The following IQCJ variants were observed in gnomAD, a reference collection of about 807,000 sequenced individuals.
IQCJ encodes the protein IQ motif containing J.
In IQCJ, 9 loss-of-function variants were observed where a neutral mutation model predicts 11.0. The ratio of observed to expected loss-of-function variants is 0.82; its 90% confidence interval spans 0.49 to 1.43. The LOEUF is 1.43. Among genes scored for constraint, IQCJ ranks in the 40% most tolerant of loss-of-function variants. IQCJ has a pLI of 0.00. For synonymous variants in IQCJ, 55 were observed against 51.3 expected (o/e 1.07, Z -0.31); for missense variants, 146 against 133.2 (o/e 1.10, Z -0.47).
intron 1 of IQCJ, among the ~76,000 whole-genome samples, chr3:159,082,245 T>C (rs34192137): frequency 0.055 from 8,434 of 152,124 alleles, 376 homozygotes; most frequent in Middle Eastern, 0.085. Context: ...ATATGAAAAT[T>C]ATAACATCAA....
chr3:159,073,531 C>A (rs2108044860), intron 1 of IQCJ, among the ~76,000 whole-genome samples: 1 of 152,164 alleles, frequency 6.6e-6, no homozygotes, highest in African/African-American at 2.4e-5. Context: ...CTCACCCAGT[C>A]CCCAGAACCT....
At chr3:159,225,579 C>G (rs574610999) in intron 1 of IQCJ, among the ~76,000 whole-genome samples, 1 of 152,150 alleles carries the variant, frequency 6.6e-6, no homozygotes, top group South Asian at 2.1e-4. Flanking sequence ...GTATCAATGT[C>G]AATTTCATGG....
chr3:159,078,013 A>G (rs1716051166), intron 1 of IQCJ, among the ~76,000 whole-genome samples: 1 of 148,862 alleles, frequency 6.7e-6, no homozygotes, highest in African/African-American at 2.4e-5. Context: ...GCTCCCAGGG[A>G]GCACAGACCA....
At chr3:159,265,055 T>G (rs1021111762), downstream of IQCJ, among the ~76,000 whole-genome samples, 1 of 147,974 alleles carries the variant, frequency 6.8e-6, no homozygotes, top group South Asian at 2.2e-4. Context: ...TGACATTAAA[T>G]GTAAAAAATA....
At chr3:159,201,980 C>T (rs1724375456) in intron 1 of IQCJ, among the ~76,000 whole-genome samples, 2 of 152,274 alleles carry the variant, frequency 1.3e-5, no homozygotes, top group Admixed American at 6.5e-5. Context: ...ATATACTACA[C>T]TGGAAGACAG....
chr3:159,245,944 T>G, intron 2 of IQCJ, 37 bp downstream of exon 2: 1 of 1,442,488 alleles, frequency 6.9e-7, no homozygotes, highest in Non-Finnish European at 9.4e-7. Context: ...ATCTGCAAGG[T>G]TGGAAAGCTT....
At chr3:159,112,399 A>G (rs1221385797) in intron 1 of IQCJ, among the ~76,000 whole-genome samples, 1 of 152,184 alleles carries the variant, frequency 6.6e-6, no homozygotes, top group Non-Finnish European at 1.5e-5. Context: ...TTTTCTTGAA[A>G]CACAAACTCA....
intron 1 of IQCJ, among the ~76,000 whole-genome samples, chr3:159,160,480 T>TTTG (rs1380125627): frequency 6.6e-6 from 1 of 151,948 alleles, no homozygotes; most frequent in African/African-American, 2.4e-5. Flanking sequence ...TTTTTGTATT[T>TTTG]TTGTTGTTGT....
chr3:159,088,492 T>C (rs2108074293), intron 1 of IQCJ, among the ~76,000 whole-genome samples: 1 of 152,316 alleles, frequency 6.6e-6, no homozygotes, highest in Admixed American at 6.5e-5. Flanking sequence ...TTCTGTCTCA[T>C]TGATCTGTCT....
At chr3:159,256,428 A>C (rs1462727447) in intron 3 of IQCJ, among the ~76,000 whole-genome samples, 1 of 152,216 alleles carries the variant, frequency 6.6e-6, no homozygotes, top group Non-Finnish European at 1.5e-5. Context: ...ATGTTTAGTA[A>C]ACCCTTATTA....
chr3:159,160,234 C>T (rs1311640987), intron 1 of IQCJ, among the ~76,000 whole-genome samples: 10 of 152,144 alleles, frequency 6.6e-5, no homozygotes, highest in South Asian at 2.1e-4. Flanking sequence ...CACCTTCATC[C>T]GGGGGAGGAG....
chr3:159,186,866 T>C (rs1723401409), intron 1 of IQCJ, among the ~76,000 whole-genome samples: 1 of 152,202 alleles, frequency 6.6e-6, no homozygotes, highest in Non-Finnish European at 1.5e-5. Context: ...GTCAGACTGG[T>C]CATCTTTGAA....
intron 1 of IQCJ, among the ~76,000 whole-genome samples, chr3:159,127,149 A>G (rs1577025969): frequency 6.6e-6 from 1 of 152,200 alleles, no homozygotes; most frequent in Non-Finnish European, 1.5e-5. Context: ...TTGAAGGTTG[A>G]TTGTTGGCAG....
chr3:159,123,328 G>T (rs1479922056), intron 1 of IQCJ, among the ~76,000 whole-genome samples: 3 of 152,120 alleles, frequency 2.0e-5, no homozygotes, highest in Admixed American at 2.0e-4. Context: ...CTCAGACCCT[G>T]CTACAGTCAT....
intron 1 of IQCJ, among the ~76,000 whole-genome samples, chr3:159,214,362 C>A (rs1330504451): frequency 4.6e-5 from 7 of 152,288 alleles, no homozygotes; most frequent in African/African-American, 1.7e-4. Context: ...TTCACCCCAC[C>A]TTCTCTAGAT....
At chr3:159,219,814 C>T (rs1281036035) in intron 1 of IQCJ, among the ~76,000 whole-genome samples, 1 of 152,038 alleles carries the variant, frequency 6.6e-6, no homozygotes, top group Non-Finnish European at 1.5e-5. Context: ...CTGGAAAGAC[C>T]TCGTAACTTC....
At chr3:159,243,869 A>G (rs953638762) in intron 1 of IQCJ, among the ~76,000 whole-genome samples, 3 of 152,250 alleles carry the variant, frequency 2.0e-5, no homozygotes, top group African/African-American at 7.2e-5. Flanking sequence ...GAAGATTACC[A>G]TGGTTGGCTT....
chr3:159,129,893 A>G (rs186303609), intron 1 of IQCJ, among the ~76,000 whole-genome samples: 1 of 152,272 alleles, frequency 6.6e-6, no homozygotes. Context: ...GACCTTATTC[A>G]GATTTCACCA....
At chr3:159,084,068 A>C (rs1451429604) in intron 1 of IQCJ, among the ~76,000 whole-genome samples, 1 of 152,100 alleles carries the variant, frequency 6.6e-6, no homozygotes, top group Non-Finnish European at 1.5e-5. Context: ...GTGCGTGTAA[A>C]ACTGGTGAAA....
Sources: gnomAD v4.1 joint callset for allele counts (sites outside exome capture counted in the v4.1 genomes callset) on GRCh38, gnomAD v4.1.1 for gene constraint, MANE v1.5 for transcripts, NCBI Gene and HGNC (gene_info 2026-07-23, HGNC 2026-07-21) for gene names.